The following SACS variants were observed in gnomAD, a reference collection of about 807,000 sequenced individuals.
SACS encodes sacsin.
Under a neutral mutation model 348.0 loss-of-function variants are expected in SACS, and 197 were observed. The observed-to-expected ratio is 0.57, with a 90% CI of 0.50 to 0.64. The LOEUF (loss-of-function observed/expected upper bound fraction) is 0.64, where lower values mean the gene tolerates loss of function less well. SACS is among the 30% of genes least tolerant of loss of function. The pLI is 0.00. For synonymous variants in SACS, 1,985 were observed against 1,910.6 expected (o/e 1.04, Z -1.02); for missense variants, 4,999 against 5,360.8 (o/e 0.93, Z 2.11).
At chr13:23,361,196 CTCA>C (rs1870714139) in intron 6 of SACS, among the ~76,000 whole-genome samples, 1 of 152,194 alleles carries the variant, frequency 6.6e-6, no homozygotes, top group Non-Finnish European at 1.5e-5. Flanking sequence ...ACCCTGGCTG[CTCA>C]GTGGCAGAAC....
intron 2 of SACS, among the ~76,000 whole-genome samples, chr13:23,376,528 C>A (rs1025793967): frequency 6.6e-6 from 1 of 152,074 alleles, no homozygotes; most frequent in Admixed American, 6.6e-5. Context: ...AATAAATTGC[C>A]ATTTCTCCCT....
At chr13:23,358,562 A>G in intron 6 of SACS, 81 bp from the exon 7 acceptor site, 2 of 1,471,754 alleles carry the variant, frequency 1.4e-6, no homozygotes, top group African/African-American at 1.4e-5. Context: ...CTCTATACAA[A>G]ATCTCTTATT....
chr13:23,350,152 G>A (rs530080850), intron 9 of SACS, among the ~76,000 whole-genome samples: 1 of 152,184 alleles, frequency 6.6e-6, no homozygotes, highest in Non-Finnish European at 1.5e-5. Flanking sequence ...TGGGAGATCA[G>A]GTAAAAGAAA....
In SACS at chr13:23,333,497, T is replaced by A; in HGVS notation, c.10379A>T (p.Lys3460Ile). The A allele has an allele frequency of 6.2e-7, 1 of 1,613,342 alleles. No individual in the cohort carries two copies. The highest frequency in any genetic ancestry group is 8.5e-7 in the Non-Finnish European group (1 of 1,179,514). The change falls in exon 10 of 10, where the codon AAA becomes ATA. Residue 3460 changes from lysine (K) to isoleucine (I), a missense_variant. Lys to Ile is a moderately radical substitution (Grantham distance 102). This residue lies in a region of SACS where 734 missense variants were observed against 694.0 expected (regional missense o/e 1.06). Transcript: ENST00000382292. Reference sequence around the variant, plus strand: ...ACAACCAATCACCTCATATAGTTCTTTTAAGTGTATTTTTTCTTCAAGAAA... The same window carrying A: ...ACAACCAATCACCTCATATAGTTCTATTAAGTGTATTTTTTCTTCAAGAAA... ...SAFLEEKIHL[K>I]ELYEVIGCVP...
At chr13:23,352,729 A>C (rs368811570) in intron 9 of SACS, among the ~76,000 whole-genome samples, 194 of 152,340 alleles carry the variant, frequency 1.3e-3, no homozygotes, top group African/African-American at 4.2e-3. Flanking sequence ...GTTGTTTTGA[A>C]GATGACAATT....
rs1566086323 is a variant in SACS, at chr13:23,365,289, A to G, written c.346-12T>C. On this transcript the variant is annotated splice_polypyrimidine_tract_variant and intron_variant, in intron 5 of 9. Transcript: ENST00000382292. The stretch of plus-strand genomic sequence containing the variant: ...TTCTGAATTAATTCCTAACCAAAAA[A>G]TATACCAAAAAATAGTAATTAATAA... 6.8e-7 allele frequency: 1 copy of G among 1,460,254 alleles called. No individual in the cohort carries two copies. The highest frequency in any genetic ancestry group is 1.2e-5 in the South Asian group (1 of 82,790). The allele number at this position is 1,460,254 out of a possible 1,614,324, so 90.5% of individuals were successfully genotyped here.
At position 23,340,915 on chromosome 13, in the gene SACS, C is replaced by T; in HGVS notation, c.2961G>A (p.Lys987=). 1 of 1,613,874 alleles carries T rather than the reference C, an allele frequency of 6.2e-7. No individual in the cohort carries two copies. The highest frequency in any genetic ancestry group is 8.5e-7 in the Non-Finnish European group (1 of 1,179,764). The change falls in exon 10 of 10, where the codon AAG becomes AAA. Residue 987 remains lysine, a synonymous_variant. Transcript: ENST00000382292. ...LANMLKIEQL[K]TTSCLKLVLK... is the part of the protein sequence containing the mutation. ...AAACAAGCTTTAAGCAGCTAGTGGT[C>T]TTTAACTGTTCTATTTTCAACATGT...
chr13:23,432,335 T>G (rs893518288), intron 1 of SACS, among the ~76,000 whole-genome samples: 5 of 152,198 alleles, frequency 3.3e-5, no homozygotes, highest in Admixed American at 6.5e-5. Flanking sequence ...AAATCTGGCT[T>G]GCTTTGTTTG....
chr13:23,341,078 G>A lies in SACS; in HGVS notation c.2798C>T (p.Ser933Phe). 1 of 1,614,010 alleles carries A rather than the reference G, an allele frequency of 6.2e-7. No individual in the cohort carries two copies. Among genetic ancestry groups the A allele is most frequent in the African/African-American group, 1.3e-5 (1 of 75,046 alleles). The change falls in exon 10 of 10, where the codon TCT becomes TTT. Residue 933 changes from serine to phenylalanine, a missense_variant. Ser to Phe is a radical substitution (Grantham distance 155, BLOSUM62 -2). This residue lies in a region of SACS where 3,156 missense variants were observed against 3,380.1 expected (regional missense o/e 0.93). Coordinates refer to ENST00000382292, the MANE Select transcript of SACS (RefSeq NM_014363.6). ...ATAAGAGGAAATTCCCTGATCAGAA[G>A]AATGGTTAATGCGCTTGAATATTGC... ...ELAIFKRINHSSDQGISSYTK... is the reference protein window; with the variant it reads ...ELAIFKRINHFSDQGISSYTK...
chr13:23,375,592 G>T (rs543869228), intron 2 of SACS: 1 of 1,013,886 alleles, frequency 9.9e-7, no homozygotes, highest in Admixed American at 5.8e-5. Context: ...CCCTGCAGGC[G>T]CCGCCCGCGG....
chr13:23,408,691 C>A (rs1284051275), intron 2 of SACS, among the ~76,000 whole-genome samples: 1 of 152,144 alleles, frequency 6.6e-6, no homozygotes, highest in Non-Finnish European at 1.5e-5. Flanking sequence ...TTTGGCCTGG[C>A]ACAGTGGCTC....
chr13:23,404,216 G>C (rs896818997), intron 2 of SACS, among the ~76,000 whole-genome samples: 1 of 152,198 alleles, frequency 6.6e-6, no homozygotes, highest in Non-Finnish European at 1.5e-5. Flanking sequence ...TGTATATTCT[G>C]TTGCTTTGGG....
chr13:23,381,355 G>GCGCGCACACA (rs143375673), intron 2 of SACS, among the ~76,000 whole-genome samples: 1 of 139,976 alleles, frequency 7.1e-6, no homozygotes, highest in Non-Finnish European at 1.5e-5. Context: ...GCAGCACGAA[G>GCGCGCACACA]CACACACACA....
chr13:23,424,270 A>G (rs1874070282), intron 1 of SACS, among the ~76,000 whole-genome samples: 1 of 152,238 alleles, frequency 6.6e-6, no homozygotes, highest in Non-Finnish European at 1.5e-5. Context: ...TCACGCCTAT[A>G]ATCCCAGAAC....
chr13:23,418,313 C>T (rs1470280354), intron 1 of SACS, among the ~76,000 whole-genome samples: 1 of 152,082 alleles, frequency 6.6e-6, no homozygotes, highest in African/African-American at 2.4e-5. Flanking sequence ...CAAAGACTAT[C>T]TCTGCTTGTA....
At position 23,333,510 on chromosome 13, in the gene SACS, T is replaced by C; in HGVS notation, c.10366A>G (p.Lys3456Glu). 3 of 1,613,572 alleles carry C rather than the reference T, an allele frequency of 1.9e-6. No homozygotes were observed. Among genetic ancestry groups the C allele is most frequent in the East Asian group, 2.2e-5 (1 of 44,852 alleles). The change falls in exon 10 of 10, where the codon AAA (lysine) becomes GAA (glutamate). Residue 3456 changes from lysine (K) to glutamate (E), a missense_variant. By Grantham distance (56) the Lys-to-Glu change is moderately conservative. Around this residue, in one of 6 missense-constraint regions of SACS, gnomAD observed 734 missense variants for 694.0 expected, o/e 1.06. Coordinates refer to ENST00000382292, the MANE Select transcript of SACS (RefSeq NM_014363.6). ...QSSSSAFLEE[K>E]IHLKELYEVI... ...TCATATAGTTCTTTTAAGTGTATTTTTTCTTCAAGAAATGCAGATGATGAT... is the reference window on the plus strand; with the variant it reads ...TCATATAGTTCTTTTAAGTGTATTTCTTCTTCAAGAAATGCAGATGATGAT...
At chr13:23,427,627 A>G (rs1401910501) in intron 1 of SACS, 1 of 152,380 alleles carries the variant, frequency 6.6e-6, no homozygotes, top group South Asian at 2.1e-4. Context: ...GACTTAAATC[A>G]TAACTATTGT....
chr13:23,406,171 A>T (rs1272014866), intron 2 of SACS, among the ~76,000 whole-genome samples: 2 of 152,240 alleles, frequency 1.3e-5, no homozygotes, highest in Non-Finnish European at 2.9e-5. Context: ...GAAATATGGC[A>T]CATACACACA....
At position 23,333,756 on chromosome 13, in the gene SACS, A is replaced by C; in HGVS notation, c.10120T>G (p.Phe3374Val). 6.2e-7 allele frequency: 1 copy of C among 1,613,842 alleles called. No individual in the cohort carries two copies. Among genetic ancestry groups the C allele is most frequent in the Non-Finnish European group, 8.5e-7 (1 of 1,179,808 alleles). The part of the protein sequence containing the change: ...ALHYMVQTST[F>V]RAEKLVENDF... ...TTTTCTACTAATTTTTCTGCTCTAA[A>C]TGTTGAAGTTTGGACCATATAATGT... Residue 3374 changes from phenylalanine to valine, a missense_variant, in exon 10 of 10, where the codon TTT becomes GTT. This residue lies in a region of SACS where 734 missense variants were observed against 694.0 expected (regional missense o/e 1.06). Coordinates refer to ENST00000382292, the MANE Select transcript of SACS (RefSeq NM_014363.6).
Sources: allele counts gnomAD v4.1 joint callset (sites outside exome capture counted in the v4.1 genomes callset), GRCh38; gene constraint gnomAD v4.1.1; regional missense constraint gnomAD v4.1.1; transcripts MANE v1.5; gene names NCBI Gene and HGNC (gene_info 2026-07-23, HGNC 2026-07-21).